Variants in MAGI2 observed in about 807,000 individuals in gnomAD.
MAGI2 encodes membrane associated guanylate kinase, WW and PDZ domain containing 2.
MAGI2 carries 35 observed loss-of-function variants against 133.3 expected under a neutral mutation model. The ratio of observed to expected loss-of-function variants is 0.26; its 90% CI spans 0.20 to 0.35. The LOEUF is 0.35. MAGI2 is among the 10% of genes least tolerant of loss of function. MAGI2 has a pLI of 1.00. For missense variants in MAGI2, 1,636 were observed against 1,863.4 expected (o/e 0.88, Z 2.25); for synonymous variants, 729 against 710.6 (o/e 1.03, Z -0.41).
At chr7:78,574,002 G>A (rs1179213814) in intron 3 of MAGI2, among the ~76,000 whole-genome samples, 1 of 152,132 alleles carries the variant, frequency 6.6e-6, no homozygotes, top group African/African-American at 2.4e-5. Context: ...GGTGGCCTTA[G>A]TTTCTCCATT....
intron 6 of MAGI2, among the ~76,000 whole-genome samples, chr7:78,469,730 C>T (rs2150419386): frequency 6.6e-6 from 1 of 152,142 alleles, no homozygotes; most frequent in Admixed American, 6.6e-5. Context: ...TTAACTTTAC[C>T]TCTGGGATGA....
chr7:79,247,553 T>A (rs963025936), intron 1 of MAGI2, among the ~76,000 whole-genome samples: 3 of 152,110 alleles, frequency 2.0e-5, no homozygotes, highest in Non-Finnish European at 2.9e-5. Flanking sequence ...ATCGAGGCTA[T>A]AGTGAGCTGT....
At chr7:79,291,986 C>T (rs976099936) in intron 1 of MAGI2, among the ~76,000 whole-genome samples, 6 of 151,792 alleles carry the variant, frequency 4.0e-5, no homozygotes, top group Non-Finnish European at 8.8e-5. Context: ...TTTTGTTTGC[C>T]TAATCCAAAG....
At chr7:78,860,473 C>T (rs1319827893) in intron 2 of MAGI2, among the ~76,000 whole-genome samples, 2 of 152,184 alleles carry the variant, frequency 1.3e-5, no homozygotes, top group African/African-American at 4.8e-5. Context: ...AGTCAGGACC[C>T]TCAGCTGCAG....
At chr7:78,425,453 A>G (rs1799193196) in intron 6 of MAGI2, among the ~76,000 whole-genome samples, 1 of 152,230 alleles carries the variant, frequency 6.6e-6, no homozygotes, top group African/African-American at 2.4e-5. Context: ...ATGTAGGCAT[A>G]GGGAAAATGT....
rs146666299 is a variant in MAGI2, at chr7:79,237,351, G to A, written c.301+215669C>T. ...CTACTAAAAATACAAAAAATTAGCCGGCGTGGTGGCAGGTGCCTGTAGTCC... is the reference window on the plus strand; with the variant it reads ...CTACTAAAAATACAAAAAATTAGCCAGCGTGGTGGCAGGTGCCTGTAGTCC... On this transcript the variant is annotated intron_variant, in intron 1 of 21. Coordinates refer to ENST00000354212, the MANE Select transcript of MAGI2 (RefSeq NM_012301.4). 6.7e-3 allele frequency among the ~76,000 whole-genome samples: 1,018 copies of A among 152,178 alleles called. 10 individuals carry two copies. The highest frequency in any genetic ancestry group is 0.022 in the African/African-American group (902 of 41,528).
At chr7:79,395,844 C>T (rs1447473931) in intron 1 of MAGI2, among the ~76,000 whole-genome samples, 1 of 152,032 alleles carries the variant, frequency 6.6e-6, no homozygotes, top group Non-Finnish European at 1.5e-5. Context: ...GCTATGCAGA[C>T]CATTCAATGT....
chr7:79,023,113 C>A (rs1809509356), intron 1 of MAGI2, among the ~76,000 whole-genome samples: 1 of 152,088 alleles, frequency 6.6e-6, no homozygotes, highest in African/African-American at 2.4e-5. Context: ...CCAAATCCAG[C>A]AGTACATCAA....
chr7:78,602,991 C>T (rs553949813), intron 3 of MAGI2, among the ~76,000 whole-genome samples: 3 of 152,076 alleles, frequency 2.0e-5, no homozygotes, highest in South Asian at 2.1e-4. Flanking sequence ...AAGAGAAATA[C>T]GATCAAAGCT....
intron 21 of MAGI2, among the ~76,000 whole-genome samples, chr7:78,074,349 T>G (rs1306152104): frequency 6.6e-6 from 1 of 152,192 alleles, no homozygotes. Context: ...GAACTCAGAG[T>G]GAGAAATTTT....
intron 6 of MAGI2, among the ~76,000 whole-genome samples, chr7:78,464,669 T>C (rs1467749586): frequency 1.3e-5 from 2 of 151,896 alleles, no homozygotes; most frequent in Non-Finnish European, 2.9e-5. Flanking sequence ...ATGACCCACA[T>C]AAAGTACATA....
rs756481844 is a variant in MAGI2, at chr7:78,655,404, A to AAAAAC, written c.419-28170_419-28166dup. Among the ~76,000 whole-genome samples, 604 of 149,916 alleles carry AAAAAC rather than the reference A, an allele frequency of 4.0e-3. 4 individuals are homozygous for AAAAAC. Among genetic ancestry groups the AAAAAC allele is most frequent in the Non-Finnish European group, 7.5e-3 (506 of 67,472 alleles). ...TGCAATCTCAGCCTTGGCTTATACA[A>AAAAAC]AAAACAAAACAAAACAAAACAAAAC... On this transcript the variant is annotated intron_variant, in intron 2 of 21. Transcript: ENST00000354212.
At chr7:78,215,618 C>T (rs1316059993) in intron 10 of MAGI2, among the ~76,000 whole-genome samples, 9 of 152,142 alleles carry the variant, frequency 5.9e-5, no homozygotes, top group Admixed American at 3.3e-4. Flanking sequence ...CTTTTGCCAA[C>T]TCTGATCAAC....
At chr7:78,581,975 G>A (rs755318332) in intron 3 of MAGI2, among the ~76,000 whole-genome samples, 4 of 152,166 alleles carry the variant, frequency 2.6e-5, no homozygotes, top group Non-Finnish European at 4.4e-5. Context: ...CCTCTTACAT[G>A]AGAATCTTAG....
chr7:78,882,216 T>A (rs1413921518), intron 2 of MAGI2, among the ~76,000 whole-genome samples: 1 of 143,528 alleles, frequency 7.0e-6, no homozygotes, highest in African/African-American at 2.6e-5. Context: ...AAATAAAAAA[T>A]CTCAAGGACT....
intron 2 of MAGI2, among the ~76,000 whole-genome samples, chr7:78,704,130 A>C (rs1337559746): frequency 6.6e-5 from 10 of 152,250 alleles, no homozygotes; most frequent in African/African-American, 2.2e-4. Context: ...GAGTAAACAG[A>C]CAACCTACAG....
chr7:78,855,397 C>A (rs1303174519), intron 2 of MAGI2, among the ~76,000 whole-genome samples: 1 of 152,136 alleles, frequency 6.6e-6, no homozygotes, highest in Admixed American at 6.5e-5. Context: ...AATGCTATCC[C>A]TTCTCCCTCC....
intron 2 of MAGI2, among the ~76,000 whole-genome samples, chr7:78,904,693 G>A (rs1032027315): frequency 2.0e-5 from 3 of 151,982 alleles, no homozygotes; most frequent in Middle Eastern, 3.2e-3. Context: ...AGTCGAGACC[G>A]GGTTCCACCA....
chr7:79,028,269 G>GTATGTATATATATATATATATA (rs1562805339), intron 1 of MAGI2, among the ~76,000 whole-genome samples: 4 of 21,356 alleles, frequency 1.9e-4, no homozygotes, highest in African/African-American at 5.8e-4. Context: ...ATATATATAT[G>GTATGTATATATATATATATATA]TATGTATGTA....
Sources: gnomAD v4.1 joint callset for allele counts (sites outside exome capture counted in the v4.1 genomes callset) on GRCh38, gnomAD v4.1.1 for gene constraint, MANE v1.5 for transcripts, NCBI Gene and HGNC (gene_info 2026-07-23, HGNC 2026-07-21) for gene names.